The following MCTP2 variants were observed in gnomAD, a reference collection of about 807,000 sequenced individuals.
MCTP2 encodes multiple C2 and transmembrane domain-containing protein 2.
Under a neutral mutation model 111.6 loss-of-function variants are expected in MCTP2, and 132 were observed. That is an observed-to-expected ratio of 1.18 (90% confidence interval 1.03 to 1.37). The LOEUF (loss-of-function observed/expected upper bound fraction) is 1.37, where lower values mean the gene tolerates loss of function less well. Ranked by LOEUF, MCTP2 falls within the 40% of genes most tolerant of loss-of-function variation. The pLI is 0.00. For missense variants in MCTP2, 1,183 were observed against 1,067.9 expected (o/e 1.11, Z -1.50); for synonymous variants, 395 against 387.7 (o/e 1.02, Z -0.22).
chr15:94,349,818 T>TAA (rs373349483), intron 8 of MCTP2, among the ~76,000 whole-genome samples: 23 of 133,008 alleles, frequency 1.7e-4, no homozygotes, highest in South Asian at 4.8e-4. Flanking sequence ...GGACTCTGTC[T>TAA]GAAAAAAAAA....
At chr15:94,255,096 A>G (rs1759754480) in intron 1 of MCTP2, among the ~76,000 whole-genome samples, 1 of 152,192 alleles carries the variant, frequency 6.6e-6, no homozygotes, top group Admixed American at 6.5e-5. Flanking sequence ...TTTCCTAAAG[A>G]CAAACTTTAG....
chr15:94,467,200 A>C (rs572322299), intron 20 of MCTP2, among the ~76,000 whole-genome samples: 48 of 152,332 alleles, frequency 3.2e-4, no homozygotes, highest in African/African-American at 1.1e-3. Flanking sequence ...CATAGAGCTA[A>C]CAAAAGTTGC....
chr15:94,382,204 T>C (rs545431665), intron 12 of MCTP2, among the ~76,000 whole-genome samples: 1 of 152,374 alleles, frequency 6.6e-6, no homozygotes, highest in South Asian at 2.1e-4. Flanking sequence ...CACAACAGAC[T>C]TTTCCTGGTA....
intron 1 of MCTP2, among the ~76,000 whole-genome samples, chr15:94,283,585 T>C (rs2074606810): frequency 6.6e-6 from 1 of 152,176 alleles, no homozygotes; most frequent in African/African-American, 2.4e-5. Flanking sequence ...TAGGAGCTGT[T>C]TGGGGCCAGG....
chr15:94,349,904 T>A (rs1567494765), intron 8 of MCTP2, among the ~76,000 whole-genome samples: 1 of 151,594 alleles, frequency 6.6e-6, no homozygotes. Context: ...GATAAAATAA[T>A]GTGGCATATG....
At chr15:94,466,568 A>C (rs1244673606) in intron 20 of MCTP2, among the ~76,000 whole-genome samples, 1 of 152,102 alleles carries the variant, frequency 6.6e-6, no homozygotes, top group Non-Finnish European at 1.5e-5. Flanking sequence ...TCTTATCCTG[A>C]ATATGTAAGC....
At chr15:94,301,584 A>G (rs1596306314) in intron 2 of MCTP2, among the ~76,000 whole-genome samples, 1 of 152,262 alleles carries the variant, frequency 6.6e-6, no homozygotes, top group South Asian at 2.1e-4. Flanking sequence ...CGCATAGCAC[A>G]TAACGTATGC....
chr15:94,451,038 GAA>G (rs903220115), intron 19 of MCTP2, among the ~76,000 whole-genome samples: 6 of 152,254 alleles, frequency 3.9e-5, no homozygotes, highest in Non-Finnish European at 8.8e-5. Context: ...CTTAAGAAAG[GAA>G]AGATTTGCCC....
chr15:94,247,348 G>A (rs983885194), intron 1 of MCTP2, among the ~76,000 whole-genome samples: 1 of 152,078 alleles, frequency 6.6e-6, no homozygotes, highest in African/African-American at 2.4e-5. Context: ...AGGATCCTCA[G>A]GATTGTAAAG....
chr15:94,466,256 T>TG (rs1456773660), intron 20 of MCTP2, among the ~76,000 whole-genome samples: 1 of 152,150 alleles, frequency 6.6e-6, no homozygotes, highest in African/African-American at 2.4e-5. Context: ...TTACTCATGG[T>TG]GTCATGTGTC....
chr15:94,260,083 G>T (rs1321148256), intron 1 of MCTP2, among the ~76,000 whole-genome samples: 1 of 152,158 alleles, frequency 6.6e-6, no homozygotes, highest in African/African-American at 2.4e-5. Flanking sequence ...TGGAATATAT[G>T]AAAAGGCTCC....
chr15:94,447,118 CCCTT>C (rs745475747), intron 19 of MCTP2, among the ~76,000 whole-genome samples: 5 of 152,168 alleles, frequency 3.3e-5, no homozygotes, highest in Non-Finnish European at 7.4e-5. Flanking sequence ...ATTAGTCAGT[CCCTT>C]CCTCATTACC....
In MCTP2 at chr15:94,454,078, T is replaced by A. The variant is rs561487468; in HGVS notation, c.2251-4059T>A. ...TTCCTGCCAAAGGATGCAAACACAA[T>A]ATCAGAGAACTTTGTGAAATTATTT... On this transcript the variant is annotated intron_variant, in intron 19 of 22. Transcript: ENST00000357742. Among the ~76,000 whole-genome samples, 8 of 152,310 alleles carry A rather than the reference T, an allele frequency of 5.3e-5. No homozygotes were observed. The South Asian group carries it at 1.7e-3, about 32-fold the overall frequency.
intron 7 of MCTP2, chr15:94,343,326 G>A (rs911357936): frequency 6.6e-6 from 1 of 152,026 alleles, no homozygotes; most frequent in African/African-American, 2.4e-5. Context: ...TAGCACTTGG[G>A]ACTGGAAATC....
chr15:94,246,607 G>C (rs1299022669), intron 1 of MCTP2, among the ~76,000 whole-genome samples: 1 of 152,154 alleles, frequency 6.6e-6, no homozygotes, highest in African/African-American at 2.4e-5. Flanking sequence ...CTCATTTGCA[G>C]TATTTTAGCT....
intron 1 of MCTP2, among the ~76,000 whole-genome samples, chr15:94,287,334 C>T (rs1425118361): frequency 1.3e-5 from 2 of 151,204 alleles, no homozygotes; most frequent in African/African-American, 4.9e-5. Context: ...GTATTTTATG[C>T]TGTTGTTGCT....
At chr15:94,409,373 A>G (rs1036788098) in intron 17 of MCTP2, among the ~76,000 whole-genome samples, 2 of 152,098 alleles carry the variant, frequency 1.3e-5, no homozygotes, top group African/African-American at 4.8e-5. Context: ...GTGTGAGATA[A>G]TACTTAATAA....
At position 94,482,809 on chromosome 15, in the gene MCTP2, G is replaced by C. The variant is rs2074791769; in HGVS notation, c.*3775G>C. ...CGGGTAAATACAGAGGAGAAAAACA[G>C]TAAGCATGGACTGTCCTAGAATTCA... On this transcript the variant is annotated 3_prime_UTR_variant, in exon 23 of 23. Coordinates refer to ENST00000357742, the MANE Select transcript of MCTP2 (RefSeq NM_001385001.1). 1 of 152,218 alleles carries C rather than the reference G, an allele frequency of 6.6e-6. No homozygotes were observed. The highest frequency in any genetic ancestry group is 1.5e-5 in the Non-Finnish European group (1 of 68,048). The allele number at this position is 152,218 out of a possible 1,614,324, so 9.4% of individuals were successfully genotyped here. A position where few individuals can be genotyped will look rare whatever the true frequency, so the allele number is the denominator to read the frequency against.
chr15:94,301,898 T>C (rs1320342196), intron 2 of MCTP2, among the ~76,000 whole-genome samples: 2 of 151,976 alleles, frequency 1.3e-5, no homozygotes, highest in Non-Finnish European at 2.9e-5. Context: ...AGTTTGGGAA[T>C]TGGTTCCTCT....
Sources: allele counts gnomAD v4.1 joint callset (sites outside exome capture counted in the v4.1 genomes callset), GRCh38; gene constraint gnomAD v4.1.1; transcripts MANE v1.5; gene names NCBI Gene and HGNC (gene_info 2026-07-23, HGNC 2026-07-21).